Variants in NAALADL2 observed in about 807,000 individuals in gnomAD.
NAALADL2 encodes inactive N-acetylated-alpha-linked acidic dipeptidase-like protein 2.
NAALADL2 carries 76 observed loss-of-function variants against 87.2 expected under a neutral mutation model. The observed-to-expected ratio is 0.87, with a 90% CI of 0.72 to 1.05. The LOEUF (loss-of-function observed/expected upper bound fraction) is 1.05, where lower values mean the gene tolerates loss of function less well. Among genes scored for constraint, NAALADL2 ranks in the 50% least tolerant of loss-of-function variants. The pLI is 0.00. For synonymous variants in NAALADL2, 354 were observed against 331.0 expected, an observed-to-expected ratio of 1.07 and a Z score of -0.75; for missense variants, 1,089 against 945.8, an observed-to-expected ratio of 1.15 and a Z score of -1.99.
At chr3:174,892,505 G>A (rs1466378497) in intron 1 of NAALADL2, among the ~76,000 whole-genome samples, 1 of 151,812 alleles carries the variant, frequency 6.6e-6, no homozygotes, top group African/African-American at 2.4e-5. Flanking sequence ...AGCCTCAAAA[G>A]GTAAAAATCT....
At chr3:175,250,918 C>T (rs1748946932) in intron 3 of NAALADL2, among the ~76,000 whole-genome samples, 1 of 152,144 alleles carries the variant, frequency 6.6e-6, no homozygotes, top group African/African-American at 2.4e-5. Context: ...TCCCTGTTAG[C>T]ATGCCGTTGA....
intron 4 of NAALADL2, among the ~76,000 whole-genome samples, chr3:175,323,773 T>G (rs1338633717): frequency 1.3e-5 from 2 of 150,606 alleles, no homozygotes; most frequent in Non-Finnish European, 3.0e-5. Flanking sequence ...ATCCCAGCAG[T>G]TTGGGAGGCC....
chr3:174,740,173 T>A (rs6775016), intron 3 of NAALADL2, among the ~76,000 whole-genome samples: 6,242 of 151,884 alleles, frequency 0.041, 429 homozygotes, highest in African/African-American at 0.14. Context: ...ACCTAATTTT[T>A]TAAAAAAATT....
At chr3:175,801,534 A>G (rs1383141266) in intron 13 of NAALADL2, among the ~76,000 whole-genome samples, 1 of 151,898 alleles carries the variant, frequency 6.6e-6, no homozygotes, top group Non-Finnish European at 1.5e-5. Flanking sequence ...TCCTGTCTTC[A>G]TCTCTTTTAG....
intron 1 of NAALADL2, among the ~76,000 whole-genome samples, chr3:174,978,765 CATATT>C (rs1744707752): frequency 6.6e-6 from 1 of 152,096 alleles, no homozygotes; most frequent in Non-Finnish European, 1.5e-5. Flanking sequence ...ATTGTTAAAA[CATATT>C]ATATCAACTA....
intron 2 of NAALADL2, among the ~76,000 whole-genome samples, chr3:174,658,727 C>T (rs1725221386): frequency 6.6e-6 from 1 of 152,038 alleles, no homozygotes; most frequent in African/African-American, 2.4e-5. Flanking sequence ...GTAGTTTTTT[C>T]AATAAGTATA....
chr3:175,313,987 G>A (rs1302269878), intron 4 of NAALADL2, among the ~76,000 whole-genome samples: 3 of 151,336 alleles, frequency 2.0e-5, no homozygotes, highest in Non-Finnish European at 4.4e-5. Flanking sequence ...GCTTGAACCC[G>A]GGAGGCGGAG....
chr3:174,641,234 G>T (rs951708682), intron 2 of NAALADL2, among the ~76,000 whole-genome samples: 1 of 152,180 alleles, frequency 6.6e-6, no homozygotes, highest in African/African-American at 2.4e-5. Context: ...GCGCTCGGGG[G>T]AGGACCGCGG....
intron 3 of NAALADL2, among the ~76,000 whole-genome samples, chr3:174,787,600 T>TATATATATATATATATACACACAC (rs1716913863): frequency 2.9e-5 from 2 of 68,474 alleles, no homozygotes; most frequent in Non-Finnish European, 6.8e-5. Flanking sequence ...TATATATATA[T>TATATATATATATATATACACACAC]ATATATATAT....
At position 175,804,380 on chromosome 3, in the gene NAALADL2, G is replaced by A. The variant is rs1754518627; in HGVS notation, c.*1177G>A. The A allele has an allele frequency of 1.3e-5, 2 of 151,718 alleles. No individual in the cohort carries two copies. The highest frequency in any genetic ancestry group is 4.1e-4 in the South Asian group (2 of 4,828). The allele number at this position is 151,718 out of a possible 1,614,324, so 9.4% of individuals were successfully genotyped here. A position where few individuals can be genotyped will look rare whatever the true frequency, so the allele number is the denominator to read the frequency against. On this transcript the variant is annotated 3_prime_UTR_variant, in exon 14 of 14. Transcript: ENST00000454872. ...AAGAGAGTGTCTCGTCTACACTTCAGTTCTTCTCTCATGTGGAAAACTAAG... is the reference window on the plus strand; with the variant it reads ...AAGAGAGTGTCTCGTCTACACTTCAATTCTTCTCTCATGTGGAAAACTAAG...
chr3:175,306,897 T>A (rs9865159), intron 4 of NAALADL2, among the ~76,000 whole-genome samples: 77,154 of 151,840 alleles, frequency 0.51, 20,671 homozygotes, highest in East Asian at 0.71. Context: ...TTTGTATCCA[T>A]GGAACATTCT....
At chr3:175,647,731 C>G (rs1201202286) in intron 11 of NAALADL2, among the ~76,000 whole-genome samples, 2 of 152,158 alleles carry the variant, frequency 1.3e-5, no homozygotes, top group African/African-American at 4.8e-5. Flanking sequence ...ACCTGGAGCC[C>G]TGTATAAACC....
intron 2 of NAALADL2, among the ~76,000 whole-genome samples, chr3:174,667,073 A>G (rs1035953393): frequency 6.6e-6 from 1 of 152,122 alleles, no homozygotes; most frequent in South Asian, 2.1e-4. Context: ...TTCTTTATCC[A>G]TTCATCCATT....
chr3:174,801,163 G>A (rs1420929118), intron 3 of NAALADL2, among the ~76,000 whole-genome samples: 1 of 152,148 alleles, frequency 6.6e-6, no homozygotes, highest in Non-Finnish European at 1.5e-5. Context: ...AGATTTGGGA[G>A]GTGCTGGGGC....
chr3:175,067,178 G>T (rs1310127931), intron 1 of NAALADL2, among the ~76,000 whole-genome samples: 1 of 152,056 alleles, frequency 6.6e-6, no homozygotes, highest in Non-Finnish European at 1.5e-5. Flanking sequence ...CTGGACGTGG[G>T]CCTTGGGAAA....
intron 1 of NAALADL2, among the ~76,000 whole-genome samples, chr3:175,087,770 C>T (rs1379015933): frequency 6.6e-6 from 1 of 152,108 alleles, no homozygotes; most frequent in East Asian, 1.9e-4. Context: ...ACAAACACTG[C>T]AAAAGGCCGC....
chr3:175,491,547 T>C (rs1196510144), intron 9 of NAALADL2, among the ~76,000 whole-genome samples: 1 of 152,228 alleles, frequency 6.6e-6, no homozygotes, highest in Non-Finnish European at 1.5e-5. Context: ...TCATTCCCGA[T>C]ATATGTTTCT....
intron 5 of NAALADL2, among the ~76,000 whole-genome samples, chr3:175,368,270 G>A (rs1055790508): frequency 1.3e-5 from 2 of 152,084 alleles, no homozygotes; most frequent in African/African-American, 4.8e-5. Context: ...GTATTTTATT[G>A]AGGATTTTTG....
chr3:175,722,920 C>G (rs985195025), intron 11 of NAALADL2, among the ~76,000 whole-genome samples: 3 of 152,082 alleles, frequency 2.0e-5, no homozygotes, highest in Admixed American at 6.6e-5. Context: ...CCATATGATA[C>G]AATGATGCAC....
Sources: gnomAD v4.1 joint callset for allele counts (sites outside exome capture counted in the v4.1 genomes callset) on GRCh38, gnomAD v4.1.1 for gene constraint, MANE v1.5 for transcripts, NCBI Gene and HGNC (gene_info 2026-07-23, HGNC 2026-07-21) for gene names.